The following CYFIP1 variants were observed in gnomAD, a reference collection of about 807,000 sequenced individuals.
CYFIP1 encodes the protein cytoplasmic FMR1 interacting protein 1, also known as cytoplasmic FMR1-interacting protein 1.
CYFIP1 carries 58 observed loss-of-function variants against 163.5 expected under a neutral mutation model. The observed-to-expected ratio is 0.35, with a 90% CI of 0.29 to 0.44. The LOEUF is 0.44. CYFIP1 is among the 20% of genes least tolerant of loss of function. CYFIP1 has a pLI of 1.00. For missense variants in CYFIP1, 1,338 were observed against 1,653.8 expected, an observed-to-expected ratio of 0.81 and a Z score of 3.31; for synonymous variants, 663 against 660.7, an observed-to-expected ratio of 1.00 and a Z score of -0.05.
intron 1 of CYFIP1, among the ~76,000 whole-genome samples, chr15:22,971,191 G>A (rs553634471): frequency 6.6e-6 from 1 of 152,322 alleles, no homozygotes; most frequent in South Asian, 2.1e-4. Context: ...AATGCTTCAT[G>A]ACATCAGATT....
chr15:22,924,029 T>C (rs140994683), intron 13 of CYFIP1, among the ~76,000 whole-genome samples: 37 of 150,460 alleles, frequency 2.5e-4, no homozygotes, highest in African/African-American at 9.1e-4. Context: ...CAAATGTCTA[T>C]CATCTGATGG....
In CYFIP1 at chr15:22,928,014, C is replaced by T. The variant is rs758239000; in HGVS notation, c.1125G>A (p.Ser375=). ...CCGTCTTCTGGGCCTCCTGGCGGCC[C>T]GAGCCCGTGACCACCTGCACAAGGC... ...RYSNSEVVTG[S]GRQEAQKTDA... is the part of the protein sequence containing the mutation. Residue 375 remains serine, a synonymous_variant, in exon 12 of 31, where the codon TCG becomes TCA. Transcript: ENST00000617928. The T allele has an allele frequency of 3.8e-6, 6 of 1,567,704 alleles. No homozygotes were observed. The African/African-American group carries it at 5.4e-5, about 14-fold the overall frequency.
intron 22 of CYFIP1, among the ~76,000 whole-genome samples, chr15:22,899,019 G>T (rs2060316294): frequency 6.6e-6 from 1 of 151,478 alleles, no homozygotes; most frequent in Non-Finnish European, 1.5e-5. Flanking sequence ...AAAAAAATTT[G>T]TAGAGACGAG....
At chr15:22,975,785 A>G (rs2063252309) in intron 1 of CYFIP1, among the ~76,000 whole-genome samples, 1 of 152,194 alleles carries the variant, frequency 6.6e-6, no homozygotes, top group South Asian at 2.1e-4. Flanking sequence ...CGGATTTTCA[A>G]CTGCACAGGG....
chr15:22,917,266 G>T lies in CYFIP1; in HGVS notation c.1674+522C>A. The T allele has an allele frequency of 7.2e-7, 1 of 1,388,500 alleles. No homozygotes were observed. The highest frequency in any genetic ancestry group is 2.7e-5 in the East Asian group (1 of 37,616). 86.0% of individuals were successfully genotyped at this position (1,388,500 alleles called of 1,614,324 possible). A position where few individuals can be genotyped will look rare whatever the true frequency, so the allele number is the denominator to read the frequency against. ...AGCCTCCGGCAGAGATGAGGGAGAA[G>T]ACCAGCCCCAGGACGGAGGACAGAC... On this transcript the variant is annotated intron_variant, in intron 15 of 30. Coordinates refer to ENST00000617928, the MANE Select transcript of CYFIP1 (RefSeq NM_014608.6). This position sits in a 1 kb window ranked among gnomAD's most constrained non-coding sequence, Gnocchi z 4.2.
Position 22,903,562 on chromosome 15 carries a change from G to C in CYFIP1, c.2588+144C>G. 3 of 839,164 alleles carry C rather than the reference G, an allele frequency of 3.6e-6. No individual in the cohort carries two copies. In the South Asian group the frequency reaches 4.8e-5, roughly 13 times the overall value. The allele number at this position is 839,164 out of a possible 1,614,324, so 52.0% of individuals were successfully genotyped here. ...CTGCCTGTGCACACAGAAGACACTG[G>C]AGGGCCTGCGTGCTCTTCATGTGAG... On this transcript the variant is annotated intron_variant, in intron 22 of 30. Coordinates refer to ENST00000617928, the MANE Select transcript of CYFIP1 (RefSeq NM_014608.6).
intron 1 of CYFIP1, among the ~76,000 whole-genome samples, chr15:22,949,566 C>T (rs574683493): frequency 2.0e-5 from 3 of 152,182 alleles, no homozygotes; most frequent in Admixed American, 6.5e-5. Context: ...AAGTGCTTGG[C>T]GGTTAAAAGC....
intron 14 of CYFIP1, 116 bp from the exon 15 acceptor site, chr15:22,918,051 A>C: frequency 1.6e-6 from 2 of 1,250,058 alleles, no homozygotes; most frequent in Non-Finnish European, 2.2e-6. Context: ...TGAAAATACA[A>C]ATTACTCTGG....
chr15:22,875,510 T>A, intron 26 of CYFIP1: 2 of 494,426 alleles, frequency 4.0e-6, no homozygotes, highest in Non-Finnish European at 7.3e-6. Context: ...CTTGAGGAAC[T>A]GAATTTTATT....
chr15:22,980,169 T>TGGGG (rs1206372385), intron 1 of CYFIP1, 118 bp downstream of exon 1: 2 of 1,876 alleles, frequency 1.1e-3, no homozygotes, highest in African/African-American at 2.6e-3. Context: ...CCGCCGGGGT[T>TGGGG]GGGGGGGAGG....
intron 16 of CYFIP1, 25 bp downstream of exon 16, chr15:22,916,452 G>C: frequency 6.5e-7 from 1 of 1,548,258 alleles, no homozygotes; most frequent in Non-Finnish European, 8.9e-7. Context: ...TGCCAGGCCG[G>C]ATGCTGCTCA....
At chr15:22,910,148 CTCAA>C (rs1329442128) in intron 20 of CYFIP1, among the ~76,000 whole-genome samples, 1 of 152,086 alleles carries the variant, frequency 6.6e-6, no homozygotes, top group Non-Finnish European at 1.5e-5. Flanking sequence ...TATAAGAAAT[CTCAA>C]TCATTTTTTT....
At chr15:22,875,354 G>T in intron 26 of CYFIP1, 83 bp from the exon 27 acceptor site, 2 of 1,141,848 alleles carry the variant, frequency 1.8e-6, no homozygotes, top group Non-Finnish European at 2.7e-6. Flanking sequence ...GAACTTCTTT[G>T]CCTTTTAGCA....
At chr15:22,931,702 A>AAAAAAAAAAAAAAAAAC in intron 11 of CYFIP1, among the ~76,000 whole-genome samples, 1 of 150,714 alleles carries the variant, frequency 6.6e-6, no homozygotes, top group Non-Finnish European at 1.5e-5. Flanking sequence ...AAAAAAAAAA[A>AAAAAAAAAAAAAAAAAC]AAAAAAAAGC....
chr15:22,938,756 A>G (rs1032035515), intron 8 of CYFIP1, among the ~76,000 whole-genome samples: 3 of 151,632 alleles, frequency 2.0e-5, no homozygotes, highest in African/African-American at 7.3e-5. Flanking sequence ...TTTAAAAATT[A>G]GCGAGGCATG....
intron 1 of CYFIP1, among the ~76,000 whole-genome samples, chr15:22,965,664 T>G (rs975696149): frequency 6.6e-6 from 1 of 152,234 alleles, no homozygotes; most frequent in African/African-American, 2.4e-5. Context: ...GATGCATGAC[T>G]GTGATTCCTT....
In CYFIP1 at chr15:22,903,923, G is replaced by A. The variant is rs1314876979; in HGVS notation, c.2389-18C>T. 6.2e-7 allele frequency: 1 copy of A among 1,612,160 alleles called. No homozygotes were observed. The highest frequency in any genetic ancestry group is 8.5e-7 in the Non-Finnish European group (1 of 1,179,084). ...TCCAGCTCCTGTGGCACCAAAGACA[G>A]GGGTGGGTGACAGAGCTGGTCCAGG... On this transcript the variant is annotated intron_variant, in intron 21 of 30. Coordinates refer to ENST00000617928, the MANE Select transcript of CYFIP1 (RefSeq NM_014608.6).
At chr15:22,957,555 G>A in intron 1 of CYFIP1, among the ~76,000 whole-genome samples, 1 of 152,152 alleles carries the variant, frequency 6.6e-6, no homozygotes, top group Non-Finnish European at 1.5e-5. Flanking sequence ...AGAATGGCGT[G>A]AACCCAGGAG....
Position 22,964,157 on chromosome 15 carries a change from C to CTTT in CYFIP1, c.-7+16127_-7+16129dup, listed in dbSNP as rs56861965. 1.3e-3 allele frequency among the ~76,000 whole-genome samples: 177 copies of CTTT among 134,636 alleles called. 1 individual carries two copies. Among genetic ancestry groups the CTTT allele is most frequent in the African/African-American group, 1.8e-3 (63 of 35,340 alleles). The allele number at this position is 134,636 out of a possible 152,430, so 88.3% of individuals were successfully genotyped here. On this transcript the variant is annotated intron_variant, in intron 1 of 30. Coordinates refer to ENST00000617928, the MANE Select transcript of CYFIP1 (RefSeq NM_014608.6). ...TTACGCATATGTATCACTTCACATA[C>CTTT]TTTTTTTTTTTTTTTCCCTTTCTGG... is the stretch of plus-strand genomic sequence containing the variant.
Sources: allele counts gnomAD v4.1 joint callset (sites outside exome capture counted in the v4.1 genomes callset), GRCh38; gene constraint gnomAD v4.1.1; non-coding constraint Gnocchi (gnomAD v3.1); transcripts MANE v1.5; gene names NCBI Gene and HGNC (gene_info 2026-07-23, HGNC 2026-07-21).